Variants in MUC5AC observed in about 807,000 individuals in gnomAD.
MUC5AC encodes the protein mucin 5AC, oligomeric mucus/gel-forming, also known as mucin-5AC.
A neutral mutation model predicts 169.7 loss-of-function variants in MUC5AC; 158 were observed. That is an observed-to-expected ratio of 0.93 (90% CI 0.82 to 1.06). The LOEUF is 1.06. Among genes scored for constraint, MUC5AC ranks in the 50% least tolerant of loss-of-function variants. The pLI, the probability that MUC5AC is intolerant of heterozygous loss-of-function variation, is 0.00. For synonymous variants in MUC5AC, 1,975 were observed against 1,237.0 expected (o/e 1.60, Z -12.52); for missense variants, 4,359 against 3,089.9 (o/e 1.41, Z -9.74).
At chr11:1,172,632 T>G (rs1360828928) in intron 16 of MUC5AC, 109 bp downstream of exon 16, 3 of 397,970 alleles carry the variant, frequency 7.5e-6, no homozygotes, top group Non-Finnish European at 1.3e-5. Context: ...GGACTAACCT[T>G]TCTAGGCTGT....
chr11:1,174,526 C>T lies in MUC5AC; in HGVS notation c.1996C>T (p.Arg666Trp), dbSNP rs1009024939. Reference protein sequence around the residue: ...NCMFDTCNCERSEDCLCAALS... With the variant: ...NCMFDTCNCEWSEDCLCAALS... ...CATGTTTGACACCTGCAACTGTGAG[C>T]GGAGCGAGGACTGCCTGTGCGCCGC... is the stretch of plus-strand genomic sequence containing the variant. Residue 666 changes from arginine to tryptophan, a missense_variant, in exon 17 of 49, where the codon CGG becomes TGG. Arg to Trp is a moderately radical substitution (Grantham distance 101). Coordinates refer to ENST00000621226, the MANE Select transcript of MUC5AC (RefSeq NM_001304359.2). 2.6e-5 allele frequency: 41 copies of T among 1,562,546 alleles called. No individual in the cohort carries two copies. The highest frequency in any genetic ancestry group is 2.1e-4 in the East Asian group (9 of 42,026).
chr11:1,168,819 T>C (rs1860409079), intron 14 of MUC5AC, 40 bp downstream of exon 14: 2 of 1,578,904 alleles, frequency 1.3e-6, no homozygotes, highest in Admixed American at 3.5e-5. Context: ...CCACCCACTC[T>C]GGCCAGGGCG....
In MUC5AC at chr11:1,199,508, C is replaced by G. The variant is rs778901609; in HGVS notation, c.16515+18C>G. On this transcript the variant is annotated intron_variant, in intron 46 of 48. Coordinates refer to ENST00000621226, the MANE Select transcript of MUC5AC (RefSeq NM_001304359.2). ...GTTCTCTGGTGAGGTCCAGGATCCCCGCTCCAGCCAAGGGGGGCTTCACCC... is the reference window on the plus strand; with the variant it reads ...GTTCTCTGGTGAGGTCCAGGATCCCGGCTCCAGCCAAGGGGGGCTTCACCC... 1 of 704,382 alleles carries G rather than the reference C, an allele frequency of 1.4e-6. No homozygotes were observed. 43.6% of individuals were successfully genotyped at this position (704,382 alleles called of 1,614,324 possible).
chr11:1,159,352 T>TGCTGTGCGGGGCTGTGTGGG (rs1860054072), intron 1 of MUC5AC, among the ~76,000 whole-genome samples: 1 of 150,222 alleles, frequency 6.7e-6, no homozygotes, highest in Admixed American at 6.6e-5. Flanking sequence ...ACCATGCTGG[T>TGCTGTGCGGGGCTGTGTGGG]GCTGTGCGGG....
Position 1,189,228 on chromosome 11 carries a change from A to G in MUC5AC, c.11083A>G (p.Ser3695Gly). The change falls in exon 31 of 49, where the codon AGC becomes GGC. Residue 3695 changes from serine (S) to glycine (G), a missense_variant. Ser to Gly is a moderately conservative substitution (Grantham distance 56). Transcript: ENST00000621226. ...CAGCACAACCTCTGCCCCAACAACC[A>G]GCACAACCTCTGCTCCCACAACGAG... is the stretch of plus-strand genomic sequence containing the variant. ...IPSTTSAPTT[S>G]TTSAPTTSTT... is the part of the protein sequence containing the mutation. The G allele has an allele frequency of 1.7e-6, 1 of 598,132 alleles. No individual in the cohort carries two copies. Among genetic ancestry groups the G allele is most frequent in the East Asian group, 2.7e-5 (1 of 36,480 alleles). 37.1% of individuals were successfully genotyped at this position (598,132 alleles called of 1,614,324 possible).
intron 38 of MUC5AC, 54 bp downstream of exon 38, chr11:1,196,529 C>T: frequency 1.3e-6 from 1 of 764,364 alleles, no homozygotes; most frequent in Non-Finnish European, 2.4e-6. Context: ...ACCCAGTCCC[C>T]AGCCTCCCGC....
intron 35 of MUC5AC, 49 bp from the exon 36 acceptor site, chr11:1,194,963 C>T (rs1278327698): frequency 1.5e-6 from 1 of 668,126 alleles, no homozygotes; most frequent in Non-Finnish European, 2.8e-6. Flanking sequence ...GGGGGTGGGG[C>T]CAGCCGGCTC....
Position 1,164,266 on chromosome 11 carries a change from A to G in MUC5AC, c.950A>G (p.Gln317Arg). The change falls in exon 8 of 49, where the codon CAG becomes CGG. Residue 317 changes from glutamine (Q) to arginine (R), a missense_variant. Coordinates refer to ENST00000621226, the MANE Select transcript of MUC5AC (RefSeq NM_001304359.2). ...VCHTLAEYSR[Q>R]CTHAGGLPQD... ...CACACCCTTGCCGAGTACTCCCGGC[A>G]GTGCACCCATGCAGGGGGGTTGCCC... The G allele has an allele frequency of 6.2e-7, 1 of 1,612,622 alleles. No individual in the cohort carries two copies. Among genetic ancestry groups the G allele is most frequent in the South Asian group, 1.1e-5 (1 of 91,090 alleles).
chr11:1,195,175 G>T lies in MUC5AC; in HGVS notation c.15354G>T (p.Gly5118=). 1.3e-6 allele frequency: 1 copy of T among 762,974 alleles called. No homozygotes were observed. Among genetic ancestry groups the T allele is most frequent in the Non-Finnish European group, 2.4e-6 (1 of 416,574 alleles). 47.3% of individuals were successfully genotyped at this position (762,974 alleles called of 1,614,324 possible). The change falls in exon 36 of 49, where the codon GGG becomes GGT. Residue 5118 remains glycine (G), a synonymous_variant. Transcript: ENST00000621226. ...TPTTVGPTTV[G]STTVGPTTVG... is the part of the protein sequence containing the mutation. ...CCACGGTCGGGCCCACCACAGTTGG[G>T]TCTACCACGGTCGGGCCCACCACAG...
intron 40 of MUC5AC, 47 bp downstream of exon 40, chr11:1,196,955 G>A: frequency 2.7e-6 from 2 of 746,048 alleles, no homozygotes; most frequent in Non-Finnish European, 4.9e-6. Context: ...CCAAGAGCCC[G>A]AGGAGGGAGG....
At chr11:1,173,916 TACTC>T (rs1379533713) in intron 16 of MUC5AC, among the ~76,000 whole-genome samples, 1 of 146,120 alleles carries the variant, frequency 6.8e-6, no homozygotes, top group Non-Finnish European at 1.5e-5. Context: ...TCCACTCACT[TACTC>T]ATCCACTCAC....
chr11:1,200,099 GGC>G (rs1204002666), intron 48 of MUC5AC, 130 bp downstream of exon 48: 1 of 611,562 alleles, frequency 1.6e-6, no homozygotes, highest in East Asian at 2.7e-5. Flanking sequence ...CTGAGGGTGA[GGC>G]GGGAAAGGGG....
At chr11:1,168,411 T>G in intron 12 of MUC5AC, 72 bp from the exon 13 acceptor site, 1 of 1,474,776 alleles carries the variant, frequency 6.8e-7, no homozygotes, top group Non-Finnish European at 9.3e-7. Context: ...TGCAGGCACA[T>G]TTCACAGCCT....
At chr11:1,179,301 C>G in intron 26 of MUC5AC, 53 bp downstream of exon 26, 1 of 500,608 alleles carries the variant, frequency 2.0e-6, no homozygotes, top group African/African-American at 2.1e-5. Context: ...CAGCGTGTGC[C>G]CCACCACACT....
At chr11:1,198,573 G>T (rs377488349) in intron 43 of MUC5AC, among the ~76,000 whole-genome samples, 10 of 152,068 alleles carry the variant, frequency 6.6e-5, no homozygotes, top group Non-Finnish European at 1.0e-4. Flanking sequence ...GCCAGGCCTG[G>T]ATCCCACGGC....
rs1307077071 is a variant in MUC5AC, at chr11:1,187,736, C to T, written c.9591C>T (p.Ala3197=). 7 of 765,038 alleles carry T rather than the reference C, an allele frequency of 9.1e-6. No individual in the cohort carries two copies. The East Asian group carries it at 1.7e-4, about 19-fold the overall frequency. The allele number at this position is 765,038 out of a possible 1,614,324, so 47.4% of individuals were successfully genotyped here. A position where few individuals can be genotyped will look rare whatever the true frequency, so the allele number is the denominator to read the frequency against. The change falls in exon 31 of 49, where the codon GCC becomes GCT. Residue 3197 remains alanine, a synonymous_variant. Coordinates refer to ENST00000621226, the MANE Select transcript of MUC5AC (RefSeq NM_001304359.2). ...TPSPVPTTST[A]SVSKTSTSHV... ...GCCCCGTTCCCACCACCAGCACAGC[C>T]TCTGTTTCAAAGACCAGCACAAGCC...
chr11:1,173,368 T>C (rs913268770), intron 16 of MUC5AC, among the ~76,000 whole-genome samples: 2 of 147,290 alleles, frequency 1.4e-5, no homozygotes, highest in Non-Finnish European at 3.0e-5. Flanking sequence ...CATTCCTTCA[T>C]TCATTCCTTC....
At chr11:1,198,788 T>C (rs1861347541) in intron 43 of MUC5AC, 86 bp from the exon 44 acceptor site, 5 of 662,116 alleles carry the variant, frequency 7.6e-6, no homozygotes, top group East Asian at 2.7e-5. Context: ...GTCTGGGAAG[T>C]TGGGGGCAGC....
intron 24 of MUC5AC, 78 bp from the exon 25 acceptor site, chr11:1,178,366 G>A (rs989221405): frequency 1.2e-5 from 5 of 413,236 alleles, no homozygotes; most frequent in African/African-American, 2.0e-5. Flanking sequence ...TGGGTGGGAG[G>A]AGGCGGCCTA....
Sources: gnomAD v4.1 joint callset for allele counts (sites outside exome capture counted in the v4.1 genomes callset) on GRCh38, gnomAD v4.1.1 for gene constraint, MANE v1.5 for transcripts, NCBI Gene and HGNC (gene_info 2026-07-23, HGNC 2026-07-21) for gene names.